The following CCDC85A variants were observed in gnomAD, a reference collection of about 807,000 sequenced individuals.
CCDC85A encodes coiled-coil domain containing 85A, also known as coiled-coil domain-containing protein 85A.
CCDC85A carries 38 observed loss-of-function variants against 50.2 expected under a neutral mutation model. That is an observed-to-expected ratio of 0.76 (90% CI 0.58 to 0.99). The LOEUF (loss-of-function observed/expected upper bound fraction) is 0.99. Ranked by LOEUF, CCDC85A falls within the 50% of genes least tolerant of loss-of-function variation. CCDC85A has a pLI of 0.00. For missense variants in CCDC85A, 820 were observed against 742.0 expected (o/e 1.11, Z -1.22); for synonymous variants, 366 against 301.4 (o/e 1.21, Z -2.22).
chr2:56,360,327 C>T (rs541649141), intron 3 of CCDC85A, among the ~76,000 whole-genome samples: 1 of 152,288 alleles, frequency 6.6e-6, no homozygotes, highest in South Asian at 2.1e-4. Flanking sequence ...TAGGCCTCTC[C>T]ATTTTAGCGT....
chr2:56,206,386 A>G (rs537616292), intron 2 of CCDC85A, among the ~76,000 whole-genome samples: 1 of 152,266 alleles, frequency 6.6e-6, no homozygotes, highest in East Asian at 1.9e-4. Context: ...TTGCTATTCC[A>G]GAATACCACA....
intron 2 of CCDC85A, among the ~76,000 whole-genome samples, chr2:56,279,483 C>G (rs1671109443): frequency 6.6e-6 from 1 of 152,128 alleles, no homozygotes; most frequent in Non-Finnish European, 1.5e-5. Context: ...TCTCTACTTT[C>G]TGTCTCTATA....
At chr2:56,326,890 A>G (rs997127767) in intron 2 of CCDC85A, among the ~76,000 whole-genome samples, 66 of 151,932 alleles carry the variant, frequency 4.3e-4, no homozygotes, top group African/African-American at 1.6e-3. Flanking sequence ...GTTTTTAAGC[A>G]TACAGAGTTT....
intron 3 of CCDC85A, among the ~76,000 whole-genome samples, chr2:56,351,695 GGTT>G (rs555606381): frequency 6.8e-5 from 10 of 147,478 alleles, no homozygotes; most frequent in Non-Finnish European, 1.2e-4. Context: ...TTTTTGATGG[GGTT>G]GTTTGTTTTT....
chr2:56,201,013 T>C (rs1676710870), intron 2 of CCDC85A, among the ~76,000 whole-genome samples: 2 of 151,642 alleles, frequency 1.3e-5, no homozygotes, highest in Non-Finnish European at 2.9e-5. Context: ...ACAGGAGATA[T>C]CTAAGGGAAA....
intron 2 of CCDC85A, among the ~76,000 whole-genome samples, chr2:56,265,177 G>C (rs1670383041): frequency 6.6e-6 from 1 of 152,150 alleles, no homozygotes; most frequent in Admixed American, 6.5e-5. Flanking sequence ...AAATGAAAAG[G>C]CATTGAAAGG....
intron 2 of CCDC85A, among the ~76,000 whole-genome samples, chr2:56,272,854 C>G (rs935961998): frequency 2.0e-5 from 3 of 152,152 alleles, no homozygotes; most frequent in African/African-American, 7.2e-5. Context: ...AGTGCCTCAA[C>G]TTGTAAATGT....
At position 56,335,604 on chromosome 2, in the gene CCDC85A, CT is replaced by C. The variant is rs35400454; in HGVS notation, c.1241-7260del. 5.4e-3 allele frequency among the ~76,000 whole-genome samples: 770 copies of C among 143,768 alleles called. 9 individuals are homozygous for C. Among genetic ancestry groups the C allele is most frequent in the African/African-American group, 0.015 (610 of 39,538 alleles). The allele number at this position is 143,768 out of a possible 152,430, so 94.3% of individuals were successfully genotyped here. Reference sequence around the variant, plus strand: ...GACAGCAAGAGGGGGCCAAACTCATCTTTTTTTTTTTTTTTGAGAAGTAGTC... The same window carrying C: ...GACAGCAAGAGGGGGCCAAACTCATCTTTTTTTTTTTTTTGAGAAGTAGTC... On this transcript the variant is annotated intron_variant, in intron 2 of 5. Coordinates refer to ENST00000407595, the MANE Select transcript of CCDC85A (RefSeq NM_001080433.2).
chr2:56,308,216 A>G (rs1672530686), intron 2 of CCDC85A, among the ~76,000 whole-genome samples: 2 of 152,290 alleles, frequency 1.3e-5, no homozygotes, highest in Non-Finnish European at 1.5e-5. Flanking sequence ...CATATTTATC[A>G]AAATATTTCT....
chr2:56,264,032 A>T (rs1209402020), intron 2 of CCDC85A, among the ~76,000 whole-genome samples: 1 of 152,192 alleles, frequency 6.6e-6, no homozygotes, highest in Non-Finnish European at 1.5e-5. Flanking sequence ...AAAAAATTTC[A>T]CAATGTCTTA....
intron 2 of CCDC85A, among the ~76,000 whole-genome samples, chr2:56,320,051 C>G (rs1353367276): frequency 6.6e-6 from 1 of 152,058 alleles, no homozygotes; most frequent in African/African-American, 2.4e-5. Flanking sequence ...GGGTACATAA[C>G]AAAATGAAGG....
chr2:56,292,321 G>A (rs1671750326), intron 2 of CCDC85A, among the ~76,000 whole-genome samples: 1 of 152,132 alleles, frequency 6.6e-6, no homozygotes. Flanking sequence ...CTGACCTCGT[G>A]ATCCACCCGC....
At chr2:56,371,913 T>C (rs1676093489) in intron 3 of CCDC85A, among the ~76,000 whole-genome samples, 1 of 152,190 alleles carries the variant, frequency 6.6e-6, no homozygotes, top group Non-Finnish European at 1.5e-5. Context: ...CAAATTTCAC[T>C]TCTTAACAAA....
chr2:56,237,564 G>A lies in CCDC85A; in HGVS notation c.1240+44124G>A, dbSNP rs190378859. Among the ~76,000 whole-genome samples, 68 of 152,218 alleles carry A rather than the reference G, an allele frequency of 4.5e-4. 1 individual carries two copies. Among genetic ancestry groups the A allele is most frequent in the Admixed American group, 2.9e-3 (45 of 15,288 alleles). On this transcript the variant is annotated intron_variant, in intron 2 of 5. Transcript: ENST00000407595. ...TCTTATTTAAACCCCATAACAACCC[G>A]TTAAAAGAAGTACTTTATCGTCCCT...
At chr2:56,211,026 A>G (rs1210165111) in intron 2 of CCDC85A, among the ~76,000 whole-genome samples, 1 of 152,060 alleles carries the variant, frequency 6.6e-6, no homozygotes, top group East Asian at 1.9e-4. Context: ...TCCCTATTAC[A>G]TTGCATCCAG....
chr2:56,266,576 G>A (rs1217636593), intron 2 of CCDC85A, among the ~76,000 whole-genome samples: 1 of 61,642 alleles, frequency 1.6e-5, no homozygotes, highest in African/African-American at 4.7e-5. Flanking sequence ...TAACAATAAC[G>A]CGCCCCCCCC....
At position 56,192,729 on chromosome 2, in the gene CCDC85A, G is replaced by C. The variant is rs748033094; in HGVS notation, c.529G>C (p.Gly177Arg). 3 of 1,613,654 alleles carry C rather than the reference G, an allele frequency of 1.9e-6. No individual in the cohort carries two copies. The highest frequency in any genetic ancestry group is 1.1e-5 in the South Asian group (1 of 91,062). The change falls in exon 2 of 6, where the codon GGT becomes CGT. Residue 177 changes from glycine to arginine, a missense_variant. Physicochemically the swap from Gly to Arg is moderately radical, Grantham distance 125 (BLOSUM62 -2). Coordinates refer to ENST00000407595, the MANE Select transcript of CCDC85A (RefSeq NM_001080433.2). This position sits in a 1 kb window ranked among gnomAD's most constrained non-coding sequence, Gnocchi z 4.7. ...CTGTGTGCTACTAGATGAGGAGAAG[G>C]GTGCAGGCTGCGCAGGCAGCCGCTG... ...ELCVLLDEEK[G>R]AGCAGSRCSI...
chr2:56,312,276 G>C (rs4141565), intron 2 of CCDC85A, among the ~76,000 whole-genome samples: 43,077 of 151,832 alleles, frequency 0.28, 6,486 homozygotes, highest in East Asian at 0.54. Context: ...CTAAATTTAT[G>C]AGGAGAAAAT....
intron 2 of CCDC85A, among the ~76,000 whole-genome samples, chr2:56,199,216 G>A (rs1000213430): frequency 3.3e-5 from 5 of 152,128 alleles, no homozygotes; most frequent in South Asian, 2.1e-4. Flanking sequence ...AATCAGACAC[G>A]TGAATACAAA....
Sources: allele counts gnomAD v4.1 joint callset (sites outside exome capture counted in the v4.1 genomes callset), GRCh38; gene constraint gnomAD v4.1.1; non-coding constraint Gnocchi (gnomAD v3.1); transcripts MANE v1.5; gene names NCBI Gene and HGNC (gene_info 2026-07-23, HGNC 2026-07-21).